Variants in ITGA4 observed in about 807,000 individuals in gnomAD.
The protein encoded by ITGA4 is integrin alpha-4.
Under a neutral mutation model 133.6 loss-of-function variants are expected in ITGA4, and 63 were observed. The ratio of observed to expected loss-of-function variants is 0.47; its 90% CI spans 0.38 to 0.58. The LOEUF (loss-of-function observed/expected upper bound fraction) is 0.58, where lower values mean the gene tolerates loss of function less well. Ranked by LOEUF, ITGA4 falls within the 20% of genes least tolerant of loss-of-function variation. The pLI is 0.00. For missense variants in ITGA4, 1,076 were observed against 1,252.7 expected (o/e 0.86, Z 2.13); for synonymous variants, 483 against 438.0 (o/e 1.10, Z -1.28).
chr2:181,534,711 A>C (rs1334639290), intron 26 of ITGA4, 105 bp from the exon 27 acceptor site: 1 of 983,042 alleles, frequency 1.0e-6, no homozygotes, highest in African/African-American at 1.7e-5. Context: ...GGGCAGTTCT[A>C]AATACTACTG....
chr2:181,464,322 G>C (rs1685360207), intron 2 of ITGA4, among the ~76,000 whole-genome samples: 1 of 152,062 alleles, frequency 6.6e-6, no homozygotes, highest in Non-Finnish European at 1.5e-5. Context: ...CCACTGCAGA[G>C]GGTTGAGAAG....
At chr2:181,487,888 T>C (rs998447574) in intron 10 of ITGA4, among the ~76,000 whole-genome samples, 1 of 152,226 alleles carries the variant, frequency 6.6e-6, no homozygotes, top group African/African-American at 2.4e-5. Flanking sequence ...GATAAAACCA[T>C]GTTTATGCAT....
chr2:181,493,924 G>T (rs2105744053), intron 11 of ITGA4, among the ~76,000 whole-genome samples: 1 of 47,372 alleles, frequency 2.1e-5, no homozygotes, highest in Non-Finnish European at 6.0e-5. Flanking sequence ...TGGCATTTCA[G>T]TGCCTAGAAA....
intron 16 of ITGA4, 162 bp downstream of exon 16, chr2:181,509,969 C>A: frequency 3.6e-6 from 2 of 553,380 alleles, no homozygotes; most frequent in South Asian, 2.3e-5. Flanking sequence ...GTTTATATTC[C>A]CTTTAGGATA....
chr2:181,490,034 G>T (rs541299708), intron 10 of ITGA4, among the ~76,000 whole-genome samples: 1 of 152,102 alleles, frequency 6.6e-6, no homozygotes, highest in African/African-American at 2.4e-5. Flanking sequence ...GAGCAAGCAG[G>T]GGGTACGTGA....
At chr2:181,479,683 G>A (rs1225756852) in intron 5 of ITGA4, 2 of 151,996 alleles carry the variant, frequency 1.3e-5, no homozygotes, top group African/African-American at 2.4e-5. Flanking sequence ...AACATTATTA[G>A]AAATGTTTTC....
intron 14 of ITGA4, among the ~76,000 whole-genome samples, chr2:181,496,455 A>T (rs1200767770): frequency 2.6e-5 from 4 of 152,138 alleles, no homozygotes; most frequent in East Asian, 1.9e-4. Context: ...AATAAATATT[A>T]AAAAAATTGA....
At chr2:181,477,575 C>T (rs1417680245) in intron 4 of ITGA4, among the ~76,000 whole-genome samples, 1 of 151,900 alleles carries the variant, frequency 6.6e-6, no homozygotes, top group Non-Finnish European at 1.5e-5. Flanking sequence ...TCAAAATGGC[C>T]AATAAGTAGA....
In ITGA4 at chr2:181,481,606, G is replaced by T. The variant is rs1685805272; in HGVS notation, c.763G>T (p.Val255Phe). The T allele has an allele frequency of 6.3e-7, 1 of 1,591,864 alleles. No individual in the cohort carries two copies. The highest frequency in any genetic ancestry group is 8.6e-7 in the Non-Finnish European group (1 of 1,162,678). Residue 255 changes from valine (V) to phenylalanine (F), a missense_variant, in exon 7 of 28, where the codon GTC becomes TTC. Around this residue, in one of 4 missense-constraint regions of ITGA4, gnomAD observed 436 missense variants for 590.7 expected, o/e 0.74. Transcript: ENST00000397033. Reference protein sequence around the residue: ...VKFGSYLGYSVGAGHFRSQHT... With the variant: ...VKFGSYLGYSFGAGHFRSQHT... ...TCTCCCTTTTCTTAAAGGATATTCA[G>T]TCGGAGCTGGTCATTTTCGGAGCCA...
At chr2:181,522,474 T>G in intron 18 of ITGA4, 133 bp downstream of exon 18, 1 of 600,446 alleles carries the variant, frequency 1.7e-6, no homozygotes, top group Non-Finnish European at 2.7e-6. Flanking sequence ...ATTTTCAGAC[T>G]TACTCTGTGC....
chr2:181,457,902 A>G, intron 1 of ITGA4, 51 bp downstream of exon 1: 1 of 1,503,416 alleles, frequency 6.7e-7, no homozygotes, highest in African/African-American at 1.4e-5. Flanking sequence ...CGGCGTGAGA[A>G]TGGCGCCCTA....
intron 17 of ITGA4, among the ~76,000 whole-genome samples, chr2:181,515,035 T>G: frequency 6.6e-6 from 1 of 152,034 alleles, no homozygotes; most frequent in Admixed American, 6.6e-5. Context: ...CCTGGATGCT[T>G]GAAAGAAATG....
Position 181,522,433 on chromosome 2 carries a change from G to A in ITGA4, c.2073+92G>A, listed in dbSNP as rs1686740184. The A allele has an allele frequency of 3.5e-6, 3 of 859,762 alleles. No homozygotes were observed. In the South Asian group the frequency reaches 6.7e-5, roughly 19 times the overall value. The allele number at this position is 859,762 out of a possible 1,614,324, so 53.3% of individuals were successfully genotyped here. A position where few individuals can be genotyped will look rare whatever the true frequency, so the allele number is the denominator to read the frequency against. On this transcript the variant is annotated intron_variant, in intron 18 of 27. Coordinates refer to ENST00000397033, the MANE Select transcript of ITGA4 (RefSeq NM_000885.6). ...GGTAGAATTCACTTCACTGATTTGGGGTATAAGTCTTAATATTTAGGCTCC... is the reference window on the plus strand; with the variant it reads ...GGTAGAATTCACTTCACTGATTTGGAGTATAAGTCTTAATATTTAGGCTCC...
intron 10 of ITGA4, among the ~76,000 whole-genome samples, chr2:181,491,185 C>T (rs1574393516): frequency 6.6e-6 from 1 of 152,272 alleles, no homozygotes. Flanking sequence ...AAAGGCTCAT[C>T]TGTATTTTTC....
At chr2:181,525,379 A>AT (rs1686812593) in intron 21 of ITGA4, 88 bp downstream of exon 21, 1 of 666,454 alleles carries the variant, frequency 1.5e-6, no homozygotes, top group Non-Finnish European at 2.6e-6. Flanking sequence ...TGTATTCTAG[A>AT]ATTTTTTTAA....
At chr2:181,535,345 G>A (rs1048282946) in intron 27 of ITGA4, 87 bp from the exon 28 acceptor site, 5 of 1,016,430 alleles carry the variant, frequency 4.9e-6, no homozygotes, top group Non-Finnish European at 7.1e-6. Flanking sequence ...AAATATTGGT[G>A]TTAACTGCTT....
chr2:181,469,616 T>G (rs1466091531), intron 2 of ITGA4, among the ~76,000 whole-genome samples: 1 of 152,198 alleles, frequency 6.6e-6, no homozygotes, highest in African/African-American at 2.4e-5. Flanking sequence ...CACATTCACA[T>G]GTATGTTTAT....
At chr2:181,532,737 T>C (rs992336754) in intron 25 of ITGA4, among the ~76,000 whole-genome samples, 7 of 152,216 alleles carry the variant, frequency 4.6e-5, no homozygotes, top group African/African-American at 1.7e-4. Context: ...CTTTGTTGCT[T>C]TCTCTTGCCT....
chr2:181,523,388 C>T lies in ITGA4; in HGVS notation c.2074-49C>T. ...ACCATCCTTAAACATATGTTACAAA[C>T]TTTTTATTTCCTTCCTGTCCAAAAC... On this transcript the variant is annotated intron_variant, in intron 18 of 27. Coordinates refer to ENST00000397033, the MANE Select transcript of ITGA4 (RefSeq NM_000885.6). This position sits in a 1 kb window ranked among gnomAD's most constrained non-coding sequence, Gnocchi z 4.2. The T allele has an allele frequency of 1.8e-6, 2 of 1,125,024 alleles. No individual in the cohort carries two copies. Among genetic ancestry groups the T allele is most frequent in the Non-Finnish European group, 2.7e-6 (2 of 737,954 alleles). 69.7% of individuals were successfully genotyped at this position (1,125,024 alleles called of 1,614,324 possible).
Sources: allele counts gnomAD v4.1 joint callset (sites outside exome capture counted in the v4.1 genomes callset), GRCh38; gene constraint gnomAD v4.1.1; regional missense constraint gnomAD v4.1.1; non-coding constraint Gnocchi (gnomAD v3.1); transcripts MANE v1.5; gene names NCBI Gene and HGNC (gene_info 2026-07-23, HGNC 2026-07-21).